EML5: variants seen among roughly 807,000 people sequenced by gnomAD.
EML5 encodes EMAP like 5.
A neutral mutation model predicts 250.0 loss-of-function variants in EML5; 120 were observed. The observed-to-expected ratio is 0.48, with a 90% CI of 0.41 to 0.56. EML5 has a LOEUF of 0.56. EML5 is among the 20% of genes least tolerant of loss of function. The pLI is 0.00. For synonymous variants in EML5, 771 were observed against 806.5 expected (o/e 0.96, Z 0.75); for missense variants, 2,006 against 2,437.6 (o/e 0.82, Z 3.73).
intron 1 of EML5, among the ~76,000 whole-genome samples, chr14:88,778,144 C>CA (rs1595868315): frequency 6.6e-6 from 1 of 151,470 alleles, no homozygotes; most frequent in Admixed American, 6.6e-5. Context: ...AATGGATACA[C>CA]AAAAAATAAA....
At chr14:88,640,500 G>A (rs1325775629) in intron 31 of EML5, among the ~76,000 whole-genome samples, 1 of 152,092 alleles carries the variant, frequency 6.6e-6, no homozygotes, top group African/African-American at 2.4e-5. Context: ...AATCTTCAAA[G>A]TAGATTAAAA....
chr14:88,758,852 T>C (rs2094198495), intron 1 of EML5, among the ~76,000 whole-genome samples: 1 of 152,194 alleles, frequency 6.6e-6, no homozygotes, highest in South Asian at 2.1e-4. Flanking sequence ...TAATACATGC[T>C]ACAACATGGA....
At position 88,748,955 on chromosome 14, in the gene EML5, T is replaced by TA. The variant is rs137855583; in HGVS notation, c.358-2673dup. Among the ~76,000 whole-genome samples, 853 of 149,972 alleles carry TA rather than the reference T, an allele frequency of 5.7e-3. 7 individuals carry two copies. The highest frequency in any genetic ancestry group is 0.02 in the African/African-American group (823 of 40,776). On this transcript the variant is annotated intron_variant, in intron 2 of 43. Transcript: ENST00000554922. The stretch of plus-strand genomic sequence containing the variant: ...CAGGAAAATATCAAGTGGTCTAACA[T>TA]ACAGGTAATCATGGCTCTAGAAGGA...
rs565997329 is a variant in EML5, at chr14:88,618,978, A to T, written c.5376-166T>A. On this transcript the variant is annotated intron_variant, in intron 39 of 43. Coordinates refer to ENST00000554922, the MANE Select transcript of EML5 (RefSeq NM_183387.3). ...CATGTATACTGAGATTGTCTGGGTT[A>T]CATGAAATAAGGAAGCTTTATATTT... 19 of 522,502 alleles carry T rather than the reference A, an allele frequency of 3.6e-5. No individual in the cohort carries two copies. In the East Asian group the frequency reaches 3.9e-4, roughly 11 times the overall value. The allele number at this position is 522,502 out of a possible 1,614,324, so 32.4% of individuals were successfully genotyped here.
At chr14:88,726,305 T>C (rs895487550) in intron 8 of EML5, among the ~76,000 whole-genome samples, 2 of 152,168 alleles carry the variant, frequency 1.3e-5, no homozygotes, top group African/African-American at 4.8e-5. Context: ...TTAAGCATTC[T>C]TAACCCCCCA....
At chr14:88,791,792 G>A (rs978450223) in intron 1 of EML5, among the ~76,000 whole-genome samples, 2 of 152,122 alleles carry the variant, frequency 1.3e-5, no homozygotes, top group Non-Finnish European at 2.9e-5. Context: ...ATTATAGCAG[G>A]CGGTGAAACC....
In EML5 at chr14:88,792,585, C is replaced by G. The variant is rs962204735; in HGVS notation, c.-82G>C. 6.7e-6 allele frequency: 8 copies of G among 1,194,476 alleles called. No individual in the cohort carries two copies. The highest frequency in any genetic ancestry group is 1.6e-5 in the African/African-American group (1 of 62,500). The allele number at this position is 1,194,476 out of a possible 1,614,324, so 74.0% of individuals were successfully genotyped here. On this transcript the variant is annotated 5_prime_UTR_variant, in exon 1 of 44. Transcript: ENST00000554922. The surrounding 1 kb of genome is among the most constrained non-coding windows in gnomAD (Gnocchi z 6.9). ...GGCGGCCCGGCAACGAAAGCCCTCC[C>G]GCTGGCTGCCGGGACTTCCCGCCAG... is the stretch of plus-strand genomic sequence containing the variant.
chr14:88,726,032 A>G (rs2093661372), intron 8 of EML5, among the ~76,000 whole-genome samples: 1 of 152,220 alleles, frequency 6.6e-6, no homozygotes, highest in South Asian at 2.1e-4. Context: ...ATAGAATTCA[A>G]TTGAATTTAT....
intron 1 of EML5, among the ~76,000 whole-genome samples, chr14:88,756,271 T>C (rs990937925): frequency 6.6e-6 from 1 of 152,168 alleles, no homozygotes; most frequent in Non-Finnish European, 1.5e-5. Flanking sequence ...TATGTTTATC[T>C]CAATAGACAC....
intron 1 of EML5, among the ~76,000 whole-genome samples, chr14:88,791,600 G>A (rs906727160): frequency 6.6e-6 from 1 of 152,134 alleles, no homozygotes; most frequent in Non-Finnish European, 1.5e-5. Flanking sequence ...CCCCAATAGC[G>A]ATTTAATTTT....
At position 88,681,796 on chromosome 14, in the gene EML5, C is replaced by T. The variant is rs933194969; in HGVS notation, c.3124+94G>A. On this transcript the variant is annotated intron_variant, in intron 21 of 43. Transcript: ENST00000554922. ...ATAAATATTTCAACATATTTAAAGC[C>T]TTTTTAAAATGTGCCTAGTTTTGCT... The T allele has an allele frequency of 1.6e-5, 22 of 1,338,568 alleles. No individual in the cohort carries two copies. The African/African-American group carries it at 3.0e-4, about 18-fold the overall frequency. 82.9% of individuals were successfully genotyped at this position (1,338,568 alleles called of 1,614,324 possible). A position where few individuals can be genotyped will look rare whatever the true frequency, so the allele number is the denominator to read the frequency against.
At chr14:88,621,759 T>C (rs2088996248) in intron 37 of EML5, 3 of 338,700 alleles carry the variant, frequency 8.9e-6, no homozygotes, top group Non-Finnish European at 1.8e-5. Flanking sequence ...AAAATTTTCA[T>C]AGGAGTTGTA....
At chr14:88,748,590 T>G (rs760459431) in intron 2 of EML5, among the ~76,000 whole-genome samples, 2 of 152,102 alleles carry the variant, frequency 1.3e-5, no homozygotes, top group Non-Finnish European at 2.9e-5. Flanking sequence ...TACAGGTATG[T>G]GAAGAAACAG....
intron 10 of EML5, 104 bp from the exon 11 acceptor site, chr14:88,706,530 T>A: frequency 2.3e-6 from 2 of 877,558 alleles, no homozygotes; most frequent in Non-Finnish European, 3.2e-6. Context: ...CTATCTGAAT[T>A]ATAAACAAAT....
intron 21 of EML5, among the ~76,000 whole-genome samples, chr14:88,667,618 T>G (rs1412118366): frequency 6.6e-6 from 1 of 152,160 alleles, no homozygotes; most frequent in Non-Finnish European, 1.5e-5. Flanking sequence ...CCTCACAGAC[T>G]TTTTTGCTAG....
chr14:88,650,054 C>T (rs1172809017), intron 27 of EML5, 128 bp from the exon 28 acceptor site: 1 of 566,870 alleles, frequency 1.8e-6, no homozygotes. Flanking sequence ...ACAAAAATGT[C>T]TAACTTATGT....
chr14:88,626,946 ATG>A lies in EML5; in HGVS notation c.4630_4631del (p.His1544CysfsTer13). The A allele has an allele frequency of 6.2e-7, 1 of 1,613,960 alleles. No individual in the cohort carries two copies. The highest frequency in any genetic ancestry group is 8.5e-7 in the Non-Finnish European group (1 of 1,179,850). ...TTCCTGCCAGGGTCCAGAACTTCAC[ATG>A]TTTTACTCCCACTGAGACAAACTGG... ...DTQFVSVGVKHVKFWTLAGRA... is the reference protein window; with the variant it reads ...DTQFVSVGVKXVKFWTLAGRA... On this transcript the variant is annotated frameshift_variant, in exon 35 of 44. Coordinates refer to ENST00000554922, the MANE Select transcript of EML5 (RefSeq NM_183387.3). LOFTEE classifies it high-confidence loss of function.
At chr14:88,736,284 C>A in intron 7 of EML5, 80 bp downstream of exon 7, 2 of 1,510,164 alleles carry the variant, frequency 1.3e-6, no homozygotes, top group South Asian at 2.4e-5. Context: ...CGGGCGTGAG[C>A]CACAGTGCCT....
At position 88,695,392 on chromosome 14, in the gene EML5, A is replaced by T; in HGVS notation, c.2407T>A (p.Trp803Arg). The change falls in exon 16 of 44, where the codon TGG (tryptophan) becomes AGG (arginine). Residue 803 changes from tryptophan to arginine, a missense_variant. Trp to Arg is a moderately radical substitution (Grantham distance 101). Transcript: ENST00000554922. ...DDSHTVVLWD[W>R]KKGEKLSIAR... Reference sequence around the variant, plus strand: ...ATTGAAAGTTTCTCTCCTTTCTTCCAGTCCCAGAGCACAACAGTATGGCTA... The same window carrying T: ...ATTGAAAGTTTCTCTCCTTTCTTCCTGTCCCAGAGCACAACAGTATGGCTA... 6.2e-7 allele frequency: 1 copy of T among 1,612,158 alleles called. No homozygotes were observed. The highest frequency in any genetic ancestry group is 1.1e-5 in the South Asian group (1 of 90,436).
Sources: allele counts gnomAD v4.1 joint callset (sites outside exome capture counted in the v4.1 genomes callset), GRCh38; gene constraint gnomAD v4.1.1; non-coding constraint Gnocchi (gnomAD v3.1); transcripts MANE v1.5; gene names NCBI Gene and HGNC (gene_info 2026-07-23, HGNC 2026-07-21).